PIGQ: variants seen among roughly 807,000 people sequenced by gnomAD.
PIGQ encodes phosphatidylinositol glycan anchor biosynthesis class Q.
PIGQ carries 54 observed loss-of-function variants against 60.3 expected under a neutral mutation model. The ratio of observed to expected loss-of-function variants is 0.90; its 90% confidence interval spans 0.72 to 1.12. The LOEUF (loss-of-function observed/expected upper bound fraction) is 1.12. Ranked by LOEUF, PIGQ falls within the 50% of genes most tolerant of loss-of-function variation. The pLI, the probability that PIGQ is intolerant of heterozygous loss-of-function variation, is 0.00. For synonymous variants in PIGQ, 416 were observed against 363.7 expected, an observed-to-expected ratio of 1.14 and a Z score of -1.64; for missense variants, 799 against 793.5, an observed-to-expected ratio of 1.01 and a Z score of -0.08.
At chr16:576,734 A>G in intron 4 of PIGQ, 1 of 405,224 alleles carries the variant, frequency 2.5e-6, no homozygotes, top group South Asian at 1.2e-4. Flanking sequence ...CTTGTCTCCC[A>G]TCTCCCACCT....
chr16:574,006 G>T (rs190975283), intron 1 of PIGQ, 60 bp from the exon 2 acceptor site: 3 of 1,257,380 alleles, frequency 2.4e-6, no homozygotes, highest in Non-Finnish European at 3.3e-6. Context: ...GCAACATCCC[G>T]CAGCCCACGG....
At chr16:582,336 C>T in intron 10 of PIGQ, 27 bp downstream of exon 10, 5 of 1,544,694 alleles carry the variant, frequency 3.2e-6, no homozygotes, top group Non-Finnish European at 4.4e-6. Context: ...CCAGGACGCC[C>T]CTACGCTGCT....
intron 9 of PIGQ, 192 bp downstream of exon 9, chr16:581,164 G>A (rs556343787): frequency 1.4e-6 from 2 of 1,455,868 alleles, no homozygotes; most frequent in East Asian, 5.1e-5. Flanking sequence ...CTCCAGGGAG[G>A]TGGAGAGAGA....
rs934577859 is a variant in PIGQ at position 573,614 on chromosome 16, T to C, written c.-9-452T>C. 1.6e-4 allele frequency among the ~76,000 whole-genome samples: 24 copies of C among 152,372 alleles called. No homozygotes were observed. The East Asian group carries it at 4.6e-3, about 29-fold the overall frequency. On this transcript the variant is annotated intron_variant, in intron 1 of 10. Coordinates refer to ENST00000321878, the MANE Select transcript of PIGQ (RefSeq NM_004204.5). The stretch of plus-strand genomic sequence containing the variant: ...GAATCATGGTTTGTCAAGGTTTCAA[T>C]TGGCGTGACCTTGCTAATGAGATTG...
At chr16:575,762 G>A in intron 2 of PIGQ, 77 bp from the exon 3 acceptor site, 1 of 1,437,720 alleles carries the variant, frequency 7.0e-7, no homozygotes, top group South Asian at 1.3e-5. Flanking sequence ...CTGGGTGTTT[G>A]TGGTCCCCTG....
In PIGQ at chr16:576,791, C is replaced by T. The variant is rs542103818; in HGVS notation, c.942+537C>T. On this transcript the variant is annotated intron_variant, in intron 4 of 10. Transcript: ENST00000321878. ...GTTTCCAGCCGGGTGCAGCCCCCTC[C>T]TCTGCAGATCTAGTGCATTTCCATG... is the stretch of plus-strand genomic sequence containing the variant. 4 of 365,570 alleles carry T rather than the reference C, an allele frequency of 1.1e-5. No homozygotes were observed. In the East Asian group the frequency reaches 1.6e-4, roughly 15 times the overall value. 22.6% of individuals were successfully genotyped at this position (365,570 alleles called of 1,614,324 possible).
In PIGQ at chr16:580,188, C is replaced by T; in HGVS notation, c.1341C>T (p.Phe447=). 2 of 1,611,432 alleles carry T rather than the reference C, an allele frequency of 1.2e-6. No homozygotes were observed. Among genetic ancestry groups the T allele is most frequent in the Non-Finnish European group, 1.7e-6 (2 of 1,178,540 alleles). Residue 447 remains phenylalanine, a synonymous_variant, in exon 8 of 11, where the codon TTC becomes TTT. Transcript: ENST00000321878. ...GTGCTGGCCCCTCCCTACAGCTGTT[C>T]ATCGGGACTCTGCTCTTCACCATCC... ...DSCSYDLDQL[F]IGTLLFTILL... is the part of the protein sequence containing the mutation.
In PIGQ at chr16:575,842, G is replaced by T. The variant is rs1438349986; in HGVS notation, c.693G>T (p.Val231=). 3.2e-6 allele frequency: 5 copies of T among 1,563,822 alleles called. No homozygotes were observed. The highest frequency in any genetic ancestry group is 4.3e-6 in the Non-Finnish European group (5 of 1,153,686). The change falls in exon 3 of 11, where the codon GTG becomes GTT. Residue 231 remains valine (V), a synonymous_variant. Transcript: ENST00000321878. ...ACTCCTCTCCACTCCCACGCAGAGT[G>T]TTCAAGCTCTGGCCCCTGTCCTTCC... ...SLVSAVSACR[V]FKLWPLSFLG...
chr16:570,922 C>G (rs1180372148), intron 1 of PIGQ, among the ~76,000 whole-genome samples: 1 of 152,242 alleles, frequency 6.6e-6, no homozygotes, highest in African/African-American at 2.4e-5. Flanking sequence ...AGAGGGAAGT[C>G]TTAGTCTTAC....
chr16:574,486 C>T lies in PIGQ; in HGVS notation c.412C>T (p.Leu138=), dbSNP rs139840454. The T allele has an allele frequency of 9.3e-6, 15 of 1,609,754 alleles. No homozygotes were observed. In the African/African-American group the frequency reaches 2.0e-4, roughly 21 times the overall value. The change falls in exon 2 of 11, where the codon CTG becomes TTG. Residue 138 remains leucine, a synonymous_variant. Coordinates refer to ENST00000321878, the MANE Select transcript of PIGQ (RefSeq NM_004204.5). ...CTTCTATGACCAGCGCCAGGTGTTGCTGTCACAGCTACACCTGCCCACCGT... is the reference window on the plus strand; with the variant it reads ...CTTCTATGACCAGCGCCAGGTGTTGTTGTCACAGCTACACCTGCCCACCGT... The part of the protein sequence containing the change: ...LIFYDQRQVL[L]SQLHLPTVLP...
rs1165237040 is a variant in PIGQ, at chr16:574,253, T to C, written c.179T>C (p.Val60Ala). ...GTGCGGCAGGCCAGCCAGGTGGGCG[T>C]GGCCGTGCTGGGCACCTGGTGCCAC... ...AQVRQASQVG[V>A]AVLGTWCHCR... is the part of the protein sequence containing the mutation. Residue 60 changes from valine to alanine, a missense_variant, in exon 2 of 11, where the codon GTG becomes GCG. Transcript: ENST00000321878. 6.2e-7 allele frequency: 1 copy of C among 1,608,808 alleles called. No homozygotes were observed. Among genetic ancestry groups the C allele is most frequent in the African/African-American group, 1.3e-5 (1 of 74,896 alleles).
rs960501850 is a variant in PIGQ, at chr16:576,177, G to A, written c.865G>A (p.Gly289Ser). 2.7e-5 allele frequency: 42 copies of A among 1,549,586 alleles called. No homozygotes were observed. The highest frequency in any genetic ancestry group is 3.6e-5 in the Non-Finnish European group (41 of 1,146,980). ...CTCTGTGCTGCTGGACGTGGCCCTG[G>A]GCCTCATGCTGCTGTCCTGGCTCCA... ...VASVLLDVALGLMLLSWLHGR... is the reference protein window; with the variant it reads ...VASVLLDVALSLMLLSWLHGR... The change falls in exon 4 of 11, where the codon GGC (glycine) becomes AGC (serine). Residue 289 changes from glycine (G) to serine (S), a missense_variant. By Grantham distance (56) the Gly-to-Ser change is moderately conservative (BLOSUM62 0). Transcript: ENST00000321878.
Position 583,636 on chromosome 16 carries a change from G to A in PIGQ, c.*601G>A. 6.2e-7 allele frequency: 1 copy of A among 1,612,608 alleles called. No individual in the cohort carries two copies. Among genetic ancestry groups the A allele is most frequent in the Non-Finnish European group, 8.5e-7 (1 of 1,179,930 alleles). On this transcript the variant is annotated 3_prime_UTR_variant, in exon 11 of 11. Transcript: ENST00000321878. ...TTCCCTGGAGAGGTCGCTTTGTGAA[G>A]AAACCATCAGCAGGCTGTGAGCATC...
chr16:575,639 C>T (rs952161380), intron 2 of PIGQ, among the ~76,000 whole-genome samples, 200 bp from the exon 3 acceptor site: 2 of 152,154 alleles, frequency 1.3e-5, no homozygotes, highest in African/African-American at 2.4e-5. Flanking sequence ...GGCCAGGCTC[C>T]GTGTTAGTCA....
Position 576,215 on chromosome 16 carries a change from C to T in PIGQ, c.903C>T (p.Arg301=). The T allele has an allele frequency of 6.4e-7, 1 of 1,551,186 alleles. No homozygotes were observed. Among genetic ancestry groups the T allele is most frequent in the Non-Finnish European group, 8.7e-7 (1 of 1,147,506 alleles). Residue 301 remains arginine (R), a synonymous_variant, in exon 4 of 11, where the codon CGC becomes CGT. Coordinates refer to ENST00000321878, the MANE Select transcript of PIGQ (RefSeq NM_004204.5). ...TGTCCTGGCTCCACGGGAGAAGCCG[C>T]ATCGGGCATCTGGCCGACGCCCTCG... The part of the protein sequence containing the change: ...MLLSWLHGRS[R]IGHLADALVP...
At chr16:580,660 G>A in intron 8 of PIGQ, 198 bp from the exon 9 acceptor site, 2 of 602,998 alleles carry the variant, frequency 3.3e-6, no homozygotes, top group Non-Finnish European at 5.9e-6. Context: ...CTGGTGAGAG[G>A]GCCGGGTGCT....
intron 1 of PIGQ, among the ~76,000 whole-genome samples, chr16:571,072 T>A: frequency 8.9e-5 from 1 of 11,218 alleles, no homozygotes; most frequent in African/African-American, 4.2e-4. Flanking sequence ...TGTGTGTGTG[T>A]GTGTGTGTGT....
intron 1 of PIGQ, among the ~76,000 whole-genome samples, chr16:571,962 G>A (rs140915348): frequency 2.2e-4 from 34 of 152,084 alleles, no homozygotes; most frequent in African/African-American, 6.5e-4. Context: ...CGCACAGATC[G>A]TGAGCACGTA....
chr16:578,559 T>C, intron 5 of PIGQ, 54 bp downstream of exon 5: 3 of 1,582,782 alleles, frequency 1.9e-6, no homozygotes, highest in South Asian at 1.1e-5. Flanking sequence ...CTGAAGAGGG[T>C]AGGGACCCAG....
Sources: allele counts gnomAD v4.1 joint callset (sites outside exome capture counted in the v4.1 genomes callset), GRCh38; gene constraint gnomAD v4.1.1; transcripts MANE v1.5; gene names NCBI Gene and HGNC (gene_info 2026-07-23, HGNC 2026-07-21).